Variants in ERI3 observed in about 807,000 individuals in gnomAD.
ERI3 encodes the protein ERI1 exoribonuclease family member 3.
Under a neutral mutation model 44.4 loss-of-function variants are expected in ERI3, and 18 were observed. The observed-to-expected ratio is 0.41, with a 90% CI of 0.28 to 0.60. The LOEUF is 0.60. Ranked by LOEUF, ERI3 falls within the 20% of genes least tolerant of loss-of-function variation. The pLI is 0.36. For synonymous variants in ERI3, 183 were observed against 164.8 expected (o/e 1.11, Z -0.84); for missense variants, 294 against 435.5 (o/e 0.68, Z 2.89).
At chr1:44,282,448 G>A (rs769355066) in intron 7 of ERI3, among the ~76,000 whole-genome samples, 1 of 152,176 alleles carries the variant, frequency 6.6e-6, no homozygotes, top group Non-Finnish European at 1.5e-5. Context: ...CACAAGGCAT[G>A]GAGTAAGTCT....
intron 6 of ERI3, among the ~76,000 whole-genome samples, chr1:44,304,708 C>T (rs1025915633): frequency 2.1e-4 from 32 of 152,150 alleles, no homozygotes; most frequent in African/African-American, 7.2e-4. Flanking sequence ...GAAGAAACCT[C>T]AGTAGCCCCT....
chr1:44,313,061 TCAA>T, intron 5 of ERI3, 105 bp downstream of exon 5: 1 of 936,826 alleles, frequency 1.1e-6, no homozygotes, highest in Middle Eastern at 2.2e-4. Flanking sequence ...GTTATTCTAA[TCAA>T]GCCATAATCA....
chr1:44,258,088 G>A (rs759478162), intron 7 of ERI3, among the ~76,000 whole-genome samples: 1 of 152,182 alleles, frequency 6.6e-6, no homozygotes, highest in Non-Finnish European at 1.5e-5. Flanking sequence ...GAACCAGTCT[G>A]CAAAGCAGAA....
chr1:44,242,878 G>A (rs891089320), intron 8 of ERI3, among the ~76,000 whole-genome samples: 2 of 152,192 alleles, frequency 1.3e-5, no homozygotes, highest in East Asian at 1.9e-4. Context: ...AGCACCCCCC[G>A]CACCCCCCTC....
intron 7 of ERI3, among the ~76,000 whole-genome samples, chr1:44,278,746 C>A (rs547410820): frequency 6.6e-6 from 1 of 152,124 alleles, no homozygotes; most frequent in South Asian, 2.1e-4. Flanking sequence ...ATTACAGGCG[C>A]CCGCCACCAC....
chr1:44,305,303 G>A (rs1299514913), intron 6 of ERI3, among the ~76,000 whole-genome samples: 2 of 152,164 alleles, frequency 1.3e-5, no homozygotes, highest in Non-Finnish European at 2.9e-5. Context: ...CTACACCAGC[G>A]CTAACCCCAC....
chr1:44,342,984 C>T (rs914349438), intron 2 of ERI3, among the ~76,000 whole-genome samples: 25 of 145,242 alleles, frequency 1.7e-4, no homozygotes, highest in Middle Eastern at 3.7e-3. Context: ...GCTGGGATTA[C>T]AGGCATGGGC....
intron 8 of ERI3, among the ~76,000 whole-genome samples, chr1:44,237,640 C>T (rs1644334541): frequency 6.6e-6 from 1 of 152,176 alleles, no homozygotes; most frequent in East Asian, 1.9e-4. Flanking sequence ...CCCCAGGCAC[C>T]CTAGCTCTCT....
intron 6 of ERI3, among the ~76,000 whole-genome samples, chr1:44,298,497 C>G (rs1384888129): frequency 2.0e-5 from 3 of 151,566 alleles, no homozygotes; most frequent in Non-Finnish European, 4.4e-5. Context: ...GATGTTCCAA[C>G]AAAAAAAGAA....
At chr1:44,269,293 C>A (rs1572154902) in intron 7 of ERI3, among the ~76,000 whole-genome samples, 2 of 152,166 alleles carry the variant, frequency 1.3e-5, no homozygotes, top group African/African-American at 4.8e-5. Context: ...TCAGAAAGGG[C>A]AAGTAACCCA....
Position 44,221,077 on chromosome 1 carries a change from G to GCA in ERI3, c.*479_*480dup, listed in dbSNP as rs1458899563. 1.1e-5 allele frequency: 3 copies of GCA among 284,902 alleles called. No homozygotes were observed. The highest frequency in any genetic ancestry group is 2.0e-5 in the Non-Finnish European group (3 of 147,668). 17.6% of individuals were successfully genotyped at this position (284,902 alleles called of 1,614,324 possible). A position where few individuals can be genotyped will look rare whatever the true frequency, so the allele number is the denominator to read the frequency against. On this transcript the variant is annotated 3_prime_UTR_variant, in exon 9 of 9. Transcript: ENST00000372257. This position sits in a 1 kb window ranked among gnomAD's most constrained non-coding sequence, Gnocchi z 5.9. ...CAGCCTCACACACACAGATGGCTTTGCACACACACCCAGTGCCTCGTTTCC... is the reference window on the plus strand; with the variant it reads ...CAGCCTCACACACACAGATGGCTTTGCACACACACACCCAGTGCCTCGTTTCC...
intron 6 of ERI3, among the ~76,000 whole-genome samples, chr1:44,285,890 G>T (rs1645384463): frequency 6.6e-6 from 1 of 152,200 alleles, no homozygotes; most frequent in Non-Finnish European, 1.5e-5. Flanking sequence ...GCAATGGAGA[G>T]CCTCTGATGA....
At chr1:44,322,644 T>C in intron 3 of ERI3, 2 of 1,462,600 alleles carry the variant, frequency 1.4e-6, no homozygotes, top group South Asian at 2.9e-5. Flanking sequence ...CTTGAGCTAC[T>C]GAGGATGCAA....
chr1:44,285,236 T>C (rs1039263672), intron 6 of ERI3, among the ~76,000 whole-genome samples: 1 of 152,216 alleles, frequency 6.6e-6, no homozygotes, highest in Non-Finnish European at 1.5e-5. Flanking sequence ...GAGACACAGG[T>C]ACTGTTGTCT....
At chr1:44,225,224 C>G (rs996553183) in intron 8 of ERI3, among the ~76,000 whole-genome samples, 2 of 152,100 alleles carry the variant, frequency 1.3e-5, no homozygotes, top group African/African-American at 2.4e-5. Context: ...GCCTTGCACC[C>G]ACAATAGAGG....
At position 44,221,456 on chromosome 1, in the gene ERI3, CAG is replaced by C. The variant is rs749589922; in HGVS notation, c.*100_*101del. 5 of 988,320 alleles carry C rather than the reference CAG, an allele frequency of 5.1e-6. No homozygotes were observed. The highest frequency in any genetic ancestry group is 7.8e-6 in the Non-Finnish European group (5 of 637,558). 61.2% of individuals were successfully genotyped at this position (988,320 alleles called of 1,614,324 possible). A position where few individuals can be genotyped will look rare whatever the true frequency, so the allele number is the denominator to read the frequency against. On this transcript the variant is annotated 3_prime_UTR_variant, in exon 9 of 9. Transcript: ENST00000372257. This position sits in a 1 kb window ranked among gnomAD's most constrained non-coding sequence, Gnocchi z 5.9. ...AGGGCAGCTGGGGACACTCTGGACA[CAG>C]AGCTATGCCACTCTCCCTCTTCCCC...
intron 2 of ERI3, among the ~76,000 whole-genome samples, chr1:44,343,907 T>C (rs943498503): frequency 5.5e-4 from 84 of 152,140 alleles, no homozygotes; most frequent in African/African-American, 2.0e-3. Context: ...ACAACTTTTA[T>C]GTAAATTTGG....
At chr1:44,261,237 C>T (rs935679246) in intron 7 of ERI3, among the ~76,000 whole-genome samples, 5 of 152,254 alleles carry the variant, frequency 3.3e-5, no homozygotes, top group East Asian at 3.8e-4. Flanking sequence ...CGGGGTGGGC[C>T]GGCTGGCAGA....
intron 8 of ERI3, among the ~76,000 whole-genome samples, chr1:44,227,818 G>A (rs989114026): frequency 1.3e-5 from 2 of 152,044 alleles, no homozygotes; most frequent in Non-Finnish European, 2.9e-5. Context: ...GTGAACTTGA[G>A]CAAGTTCCTG....
Sources: allele counts gnomAD v4.1 joint callset (sites outside exome capture counted in the v4.1 genomes callset), GRCh38; gene constraint gnomAD v4.1.1; non-coding constraint Gnocchi (gnomAD v3.1); transcripts MANE v1.5; gene names NCBI Gene and HGNC (gene_info 2026-07-23, HGNC 2026-07-21).